The following CNTNAP2 variants were observed in gnomAD, a reference collection of about 807,000 sequenced individuals.
The protein encoded by CNTNAP2 is contactin associated protein 2.
CNTNAP2 carries 98 observed loss-of-function variants against 155.2 expected under a neutral mutation model. The ratio of observed to expected loss-of-function variants is 0.63; its 90% confidence interval spans 0.54 to 0.75. The LOEUF (loss-of-function observed/expected upper bound fraction) is 0.75, where lower values mean the gene tolerates loss of function less well. CNTNAP2 is among the 30% of genes least tolerant of loss of function. The pLI is 0.00. For synonymous variants in CNTNAP2, 651 were observed against 631.2 expected (o/e 1.03, Z -0.47); for missense variants, 1,727 against 1,688.1 (o/e 1.02, Z -0.40).
chr7:146,968,660 C>G (rs1448846783), intron 3 of CNTNAP2, among the ~76,000 whole-genome samples: 3 of 149,784 alleles, frequency 2.0e-5, no homozygotes, highest in East Asian at 1.9e-4. Flanking sequence ...GGTGATATCC[C>G]CTTTATCATT....
intron 1 of CNTNAP2, among the ~76,000 whole-genome samples, chr7:146,727,510 A>G (rs902939830): frequency 2.0e-5 from 3 of 152,184 alleles, no homozygotes; most frequent in African/African-American, 7.2e-5. Flanking sequence ...TGTGTTCCTC[A>G]CATAAGAAAT....
intron 11 of CNTNAP2, among the ~76,000 whole-genome samples, chr7:147,507,559 T>TC (rs1164638994): frequency 1.4e-5 from 2 of 138,404 alleles, no homozygotes; most frequent in African/African-American, 5.5e-5. Context: ...TCTTTTTTTT[T>TC]TTTTTTTTTT....
At chr7:146,188,809 A>G (rs1205269499) in intron 1 of CNTNAP2, among the ~76,000 whole-genome samples, 3 of 152,206 alleles carry the variant, frequency 2.0e-5, no homozygotes, top group Admixed American at 6.5e-5. Flanking sequence ...TTGAACTTGC[A>G]TCTGGCAGAA....
intron 10 of CNTNAP2, among the ~76,000 whole-genome samples, chr7:147,406,813 A>T (rs755340751): frequency 6.6e-6 from 1 of 152,240 alleles, no homozygotes; most frequent in Non-Finnish European, 1.5e-5. Context: ...AAATTACGGT[A>T]TCTGAAAAGG....
At chr7:146,502,243 A>ATATATATGAATATATATGTG (rs1180479959) in intron 1 of CNTNAP2, among the ~76,000 whole-genome samples, 1 of 134,994 alleles carries the variant, frequency 7.4e-6, no homozygotes, top group African/African-American at 3.1e-5. Context: ...ATATATATAT[A>ATATATATGAATATATATGTG]TATATATATA....
chr7:148,405,420 ATTTTTTTTTTT>A (rs36020816), intron 22 of CNTNAP2, among the ~76,000 whole-genome samples: 6 of 64,306 alleles, frequency 9.3e-5, no homozygotes, highest in East Asian at 9.9e-4. Flanking sequence ...TACCATTGTA[ATTTTTTTTTTT>A]TTTTTTTTTT....
In CNTNAP2 at chr7:146,777,916, A is replaced by G. The variant is rs182473060; in HGVS notation, c.208+3535A>G. 2.0e-3 allele frequency among the ~76,000 whole-genome samples: 297 copies of G among 151,730 alleles called. 3 individuals carry two copies. The highest frequency in any genetic ancestry group is 6.6e-3 in the African/African-American group (272 of 41,348). ...GAGAGAAAAGAGATTTTTTTTTTTA[A>G]GTATAGCATGATGTTATATATCTGG... On this transcript the variant is annotated intron_variant, in intron 2 of 23. Coordinates refer to ENST00000361727, the MANE Select transcript of CNTNAP2 (RefSeq NM_014141.6).
chr7:146,209,669 T>C (rs765713639), intron 1 of CNTNAP2, among the ~76,000 whole-genome samples: 2 of 152,164 alleles, frequency 1.3e-5, no homozygotes, highest in Non-Finnish European at 2.9e-5. Flanking sequence ...GTATCTAGGA[T>C]TTTTGTGCTA....
chr7:147,345,794 T>C (rs768776390), intron 9 of CNTNAP2, among the ~76,000 whole-genome samples: 6 of 152,226 alleles, frequency 3.9e-5, no homozygotes, highest in Non-Finnish European at 7.3e-5. Context: ...ACTTTGGAAT[T>C]ACATTTAAAT....
At chr7:148,108,350 A>C (rs1804268294) in intron 15 of CNTNAP2, among the ~76,000 whole-genome samples, 1 of 140,934 alleles carries the variant, frequency 7.1e-6, no homozygotes, top group Non-Finnish European at 1.5e-5. Context: ...TCCTGAATGG[A>C]ATTACCAAAA....
chr7:147,571,831 C>T (rs2116808915), intron 12 of CNTNAP2, among the ~76,000 whole-genome samples: 1 of 152,190 alleles, frequency 6.6e-6, no homozygotes, highest in South Asian at 2.1e-4. Context: ...TTATTTCTTT[C>T]TCATCAAAGC....
At chr7:147,944,040 C>A (rs1171200625) in intron 14 of CNTNAP2, among the ~76,000 whole-genome samples, 2 of 152,038 alleles carry the variant, frequency 1.3e-5, no homozygotes, top group African/African-American at 4.8e-5. Context: ...TGAAATGATG[C>A]CATCCTCAAT....
intron 8 of CNTNAP2, among the ~76,000 whole-genome samples, chr7:147,137,718 T>C (rs1801512489): frequency 1.3e-5 from 2 of 151,900 alleles, no homozygotes; most frequent in South Asian, 2.1e-4. Context: ...GTGCAGAAAT[T>C]TGGAGGTTGT....
In CNTNAP2 at chr7:148,397,461, A is replaced by T. The variant is rs184762016; in HGVS notation, c.3716-11930A>T. ...CAATGAAAATTTTGGAGTAAAACAT[A>T]TAATTCCAGTTCTTTATTCTGAACT... On this transcript the variant is annotated intron_variant, in intron 22 of 23. Transcript: ENST00000361727. Among the ~76,000 whole-genome samples the T allele has an allele frequency of 6.6e-5, 10 of 152,350 alleles. No homozygotes were observed. In the East Asian group the frequency reaches 1.2e-3, roughly 18 times the overall value.
At chr7:146,557,788 T>G (rs1158660305) in intron 1 of CNTNAP2, among the ~76,000 whole-genome samples, 1 of 152,220 alleles carries the variant, frequency 6.6e-6, no homozygotes, top group Non-Finnish European at 1.5e-5. Flanking sequence ...GGTTGCAAAT[T>G]GAGCTAATTT....
At chr7:147,478,168 TG>T (rs1563220205) in intron 10 of CNTNAP2, among the ~76,000 whole-genome samples, 22 of 150,982 alleles carry the variant, frequency 1.5e-4, no homozygotes, top group African/African-American at 2.4e-4. Flanking sequence ...TTTTGGGTGG[TG>T]GGGGAGGGAG....
At chr7:146,813,770 G>C (rs780357505) in intron 2 of CNTNAP2, among the ~76,000 whole-genome samples, 18 of 152,126 alleles carry the variant, frequency 1.2e-4, no homozygotes, top group African/African-American at 4.1e-4. Flanking sequence ...CCACCCAAAT[G>C]TCATCTTGAA....
intron 21 of CNTNAP2, among the ~76,000 whole-genome samples, chr7:148,336,577 G>T (rs1425249032): frequency 6.8e-6 from 1 of 147,632 alleles, no homozygotes; most frequent in Non-Finnish European, 1.5e-5. Flanking sequence ...AAACTAAAAG[G>T]TACATTCCAG....
chr7:147,062,715 T>A (rs1188587914), intron 4 of CNTNAP2, among the ~76,000 whole-genome samples: 1 of 152,186 alleles, frequency 6.6e-6, no homozygotes, highest in Admixed American at 6.5e-5. Flanking sequence ...ATTGCTGCTG[T>A]TGTTCTTAGT....
Sources: gnomAD v4.1 joint callset for allele counts (sites outside exome capture counted in the v4.1 genomes callset) on GRCh38, gnomAD v4.1.1 for gene constraint, MANE v1.5 for transcripts, NCBI Gene and HGNC (gene_info 2026-07-23, HGNC 2026-07-21) for gene names.